The following GALNT17 variants were observed in gnomAD, a reference collection of about 807,000 sequenced individuals.
GALNT17 encodes polypeptide N-acetylgalactosaminyltransferase 17.
GALNT17 carries 29 observed loss-of-function variants against 63.7 expected under a neutral mutation model. The ratio of observed to expected loss-of-function variants is 0.46; its 90% confidence interval spans 0.34 to 0.62. The LOEUF (loss-of-function observed/expected upper bound fraction) is 0.62, where lower values mean the gene tolerates loss of function less well. Ranked by LOEUF, GALNT17 falls within the 20% of genes least tolerant of loss-of-function variation. GALNT17 has a pLI of 0.01. For synonymous variants in GALNT17, 305 were observed against 318.3 expected (o/e 0.96, Z 0.45); for missense variants, 603 against 799.6 (o/e 0.75, Z 2.97).
intron 1 of GALNT17, among the ~76,000 whole-genome samples, chr7:71,137,912 AACTT>A (rs1254640079): frequency 3.3e-5 from 5 of 152,214 alleles, no homozygotes; most frequent in African/African-American, 7.2e-5. Flanking sequence ...ACTCCCCCAA[AACTT>A]AACTGTTAAT....
intron 1 of GALNT17, among the ~76,000 whole-genome samples, chr7:71,318,645 G>T (rs561273966): frequency 6.6e-6 from 1 of 151,980 alleles, no homozygotes; most frequent in African/African-American, 2.4e-5. Context: ...GGCCAGGATG[G>T]TCTCAATCTC....
chr7:71,693,668 T>G (rs969954092), intron 9 of GALNT17, among the ~76,000 whole-genome samples: 1 of 150,382 alleles, frequency 6.6e-6, no homozygotes, highest in East Asian at 2.0e-4. Flanking sequence ...TGGAGGGTGG[T>G]AGGAGGGAGG....
At chr7:71,663,121 G>T (rs1280171657) in intron 6 of GALNT17, among the ~76,000 whole-genome samples, 2 of 152,086 alleles carry the variant, frequency 1.3e-5, no homozygotes, top group Non-Finnish European at 2.9e-5. Context: ...ATTAAATTTT[G>T]AAATTGGGGA....
intron 5 of GALNT17, among the ~76,000 whole-genome samples, chr7:71,445,724 A>G (rs559999603): frequency 6.6e-6 from 1 of 152,240 alleles, no homozygotes; most frequent in East Asian, 1.9e-4. Context: ...GCTTCCAGAA[A>G]CATGTCATCT....
chr7:71,252,892 T>C (rs948922194), intron 1 of GALNT17, among the ~76,000 whole-genome samples: 2 of 152,244 alleles, frequency 1.3e-5, no homozygotes, highest in African/African-American at 4.8e-5. Context: ...GCAGTTCTAT[T>C]GAGTTTCACC....
chr7:71,648,812 A>G (rs1790716639), intron 6 of GALNT17, among the ~76,000 whole-genome samples: 2 of 152,176 alleles, frequency 1.3e-5, no homozygotes, highest in South Asian at 2.1e-4. Context: ...ACCTAGCCTC[A>G]ATTGTGGGCA....
At chr7:71,665,975 A>G (rs201115379) in intron 7 of GALNT17, among the ~76,000 whole-genome samples, 1 of 152,118 alleles carries the variant, frequency 6.6e-6, no homozygotes, top group African/African-American at 2.4e-5. Context: ...GCTGCCCCGT[A>G]TCATATGCCT....
chr7:71,244,144 T>C (rs1336570353), intron 1 of GALNT17, among the ~76,000 whole-genome samples: 2 of 152,216 alleles, frequency 1.3e-5, no homozygotes, highest in African/African-American at 4.8e-5. Context: ...CTGCTGCTAC[T>C]GCATGCCCAG....
intron 5 of GALNT17, among the ~76,000 whole-genome samples, chr7:71,434,849 T>G (rs1364545940): frequency 6.6e-6 from 1 of 152,128 alleles, no homozygotes; most frequent in Non-Finnish European, 1.5e-5. Context: ...GTTAATAGAA[T>G]TCTACTACAG....
intron 6 of GALNT17, among the ~76,000 whole-genome samples, chr7:71,627,088 G>A (rs1395747138): frequency 6.6e-6 from 1 of 152,202 alleles, no homozygotes; most frequent in African/African-American, 2.4e-5. Flanking sequence ...TTCATGGGTT[G>A]TCATAGGTCT....
intron 3 of GALNT17, among the ~76,000 whole-genome samples, chr7:71,405,686 G>A (rs1793316054): frequency 6.6e-6 from 1 of 152,122 alleles, no homozygotes; most frequent in African/African-American, 2.4e-5. Context: ...CCTCATAGAT[G>A]TCTCTCTATG....
At chr7:71,244,981 C>CT (rs1297434705) in intron 1 of GALNT17, among the ~76,000 whole-genome samples, 1 of 151,996 alleles carries the variant, frequency 6.6e-6, no homozygotes, top group Non-Finnish European at 1.5e-5. Context: ...AAAAAAACCT[C>CT]TGTCTTTTGG....
At chr7:71,212,760 C>G (rs1238224773) in intron 1 of GALNT17, among the ~76,000 whole-genome samples, 2 of 152,136 alleles carry the variant, frequency 1.3e-5, no homozygotes, top group Non-Finnish European at 2.9e-5. Flanking sequence ...ATTGGACTGC[C>G]CTGCTCGATT....
At chr7:71,209,542 A>G (rs1789337169) in intron 1 of GALNT17, among the ~76,000 whole-genome samples, 1 of 152,104 alleles carries the variant, frequency 6.6e-6, no homozygotes, top group Non-Finnish European at 1.5e-5. Flanking sequence ...TGTGTCACCC[A>G]GGCTAGACTG....
chr7:71,581,745 G>A (rs1044155946), intron 6 of GALNT17, among the ~76,000 whole-genome samples: 6 of 152,120 alleles, frequency 3.9e-5, no homozygotes, highest in African/African-American at 1.4e-4. Flanking sequence ...ACTCTGGTAG[G>A]GTAGGTTTGT....
chr7:71,606,247 G>A (rs577704657), intron 6 of GALNT17, among the ~76,000 whole-genome samples: 2 of 151,494 alleles, frequency 1.3e-5, no homozygotes, highest in African/African-American at 2.4e-5. Context: ...GAGCCACTGC[G>A]CCCAACCACT....
At chr7:71,512,394 C>T (rs1271505696) in intron 5 of GALNT17, among the ~76,000 whole-genome samples, 1 of 152,156 alleles carries the variant, frequency 6.6e-6, no homozygotes, top group Non-Finnish European at 1.5e-5. Flanking sequence ...CCCAGGGTAG[C>T]TGTTCTTCTG....
At chr7:71,259,445 T>G (rs1330538483) in intron 1 of GALNT17, among the ~76,000 whole-genome samples, 1 of 152,054 alleles carries the variant, frequency 6.6e-6, no homozygotes, top group Non-Finnish European at 1.5e-5. Flanking sequence ...CCCAAGGTGA[T>G]AGAGTTAGCA....
At chr7:71,474,510 C>T (rs1341692445) in intron 5 of GALNT17, among the ~76,000 whole-genome samples, 2 of 152,100 alleles carry the variant, frequency 1.3e-5, no homozygotes, top group African/African-American at 4.8e-5. Context: ...TAAAGTCTAA[C>T]ATCCAGAAAG....
Sources: gnomAD v4.1 joint callset for allele counts (sites outside exome capture counted in the v4.1 genomes callset) on GRCh38, gnomAD v4.1.1 for gene constraint, MANE v1.5 for transcripts, NCBI Gene and HGNC (gene_info 2026-07-23, HGNC 2026-07-21) for gene names.